Variants in OPRM1 observed in about 807,000 individuals in gnomAD.
The protein encoded by OPRM1 is mu-type opioid receptor.
A neutral mutation model predicts 31.8 loss-of-function variants in OPRM1; 27 were observed. The ratio of observed to expected loss-of-function variants is 0.85; its 90% confidence interval spans 0.63 to 1.17. OPRM1 has a LOEUF of 1.17. OPRM1 is among the 50% of genes most tolerant of loss of function. OPRM1 has a pLI of 0.00. For synonymous variants in OPRM1, 196 were observed against 189.9 expected (o/e 1.03, Z -0.26); for missense variants, 536 against 511.1 (o/e 1.05, Z -0.47).
rs145947970 is a variant in OPRM1, at chr6:154,174,452, C to T, written c.1165-72241C>T. On this transcript the variant is annotated intron_variant, in intron 3 of 3. Coordinates refer to the OPRM1 transcript ENST00000337049. ...TCTCACGTGCAGAGACACACACAGG[C>T]TCAAAATAAAGGGAAGGAGGAAGAT... Among the ~76,000 whole-genome samples, 977 of 151,830 alleles carry T rather than the reference C, an allele frequency of 6.4e-3. 29 individuals carry two copies. The highest frequency in any genetic ancestry group is 0.055 in the East Asian group (283 of 5,162).
At chr6:154,099,786 G>T (rs886488174) in intron 3 of OPRM1, among the ~76,000 whole-genome samples, 34 of 146,946 alleles carry the variant, frequency 2.3e-4, no homozygotes, top group African/African-American at 8.0e-4. Flanking sequence ...AACATGAAGA[G>T]TTTCATAAAA....
chr6:154,218,256 T>C (rs553437547), intron 3 of OPRM1, among the ~76,000 whole-genome samples: 9 of 152,260 alleles, frequency 5.9e-5, no homozygotes, highest in South Asian at 4.2e-4. Context: ...TTTTAAGAAA[T>C]TGATGTACAA....
chr6:154,141,402 G>A (rs949668004), intron 3 of OPRM1, among the ~76,000 whole-genome samples: 1 of 152,176 alleles, frequency 6.6e-6, no homozygotes, highest in Non-Finnish European at 1.5e-5. Context: ...TCCTCTTGGA[G>A]GCCTTGATGG....
Position 154,071,563 on chromosome 6 carries a change from A to G in OPRM1, c.291-18263A>G, listed in dbSNP as rs562092096. 5.3e-5 allele frequency among the ~76,000 whole-genome samples: 8 copies of G among 152,304 alleles called. No homozygotes were observed. In the East Asian group the frequency reaches 1.4e-3, roughly 26 times the overall value. On this transcript the variant is annotated intron_variant, in intron 1 of 3. Coordinates refer to ENST00000330432, the MANE Select transcript of OPRM1 (RefSeq NM_000914.5). ...AATATCCCTGTAGTTTTAAAAAAAA[A>G]ATAGGTGTATTGATCTTGCTACAGC...
intron 1 of OPRM1, among the ~76,000 whole-genome samples, chr6:154,042,039 G>A (rs1240658597): frequency 2.6e-5 from 4 of 152,114 alleles, no homozygotes; most frequent in East Asian, 3.9e-4. Context: ...ACATGGTGAC[G>A]GTGCATCTTA....
At chr6:154,208,161 TG>T (rs1224447942) in intron 3 of OPRM1, among the ~76,000 whole-genome samples, 11 of 152,260 alleles carry the variant, frequency 7.2e-5, no homozygotes, top group African/African-American at 2.6e-4. Context: ...AGTCCTTAAC[TG>T]GCCCATATGC....
At chr6:154,116,280 T>G (rs1583610443) in intron 3 of OPRM1, among the ~76,000 whole-genome samples, 1 of 152,026 alleles carries the variant, frequency 6.6e-6, no homozygotes, top group East Asian at 1.9e-4. Flanking sequence ...TCATGAGATT[T>G]TATTGACTTA....
intron 1 of OPRM1, among the ~76,000 whole-genome samples, chr6:154,033,216 A>G (rs891782271): frequency 2.0e-5 from 3 of 152,224 alleles, no homozygotes; most frequent in Non-Finnish European, 2.9e-5. Context: ...TAAAGACTAA[A>G]ACACCAATAG....
intron 3 of OPRM1, chr6:154,159,887 C>T: frequency 1.2e-6 from 2 of 1,613,512 alleles, no homozygotes; most frequent in Non-Finnish European, 1.7e-6. Flanking sequence ...TGGGGGGTGT[C>T]ATCAGTGTCA....
In OPRM1 at chr6:154,171,544, T is replaced by C. The variant is rs1476474648; in HGVS notation, c.1165-75149T>C. 2.6e-5 allele frequency among the ~76,000 whole-genome samples: 4 copies of C among 152,178 alleles called. No homozygotes were observed. The East Asian group carries it at 7.7e-4, about 29-fold the overall frequency. Reference sequence around the variant, plus strand: ...GATGCTGAAATGTTCCAAAATTAGATTGTGATGACAGCTGCACAATTCCAA... The same window carrying C: ...GATGCTGAAATGTTCCAAAATTAGACTGTGATGACAGCTGCACAATTCCAA... On this transcript the variant is annotated intron_variant, in intron 3 of 3. Transcript: ENST00000337049.
At chr6:154,110,396 G>A in intron 3 of OPRM1, 1 of 1,508,276 alleles carries the variant, frequency 6.6e-7, no homozygotes. Context: ...TCAACTGTGA[G>A]CATACCAAGG....
chr6:154,068,579 A>G lies in OPRM1; in HGVS notation c.291-21247A>G, dbSNP rs143849340. On this transcript the variant is annotated intron_variant, in intron 1 of 3. Transcript: ENST00000330432. ...AAGTCGTATCCCATTGTGTATATAT[A>G]CCACATTTTCTTTATCCATTCATAT... Among the ~76,000 whole-genome samples, 185 of 152,228 alleles carry G rather than the reference A, an allele frequency of 1.2e-3. 1 individual carries two copies. The highest frequency in any genetic ancestry group is 4.2e-3 in the African/African-American group (176 of 41,540).
chr6:154,056,420 C>A (rs1293459237), intron 1 of OPRM1, among the ~76,000 whole-genome samples: 2 of 151,668 alleles, frequency 1.3e-5, no homozygotes, highest in Non-Finnish European at 2.9e-5. Flanking sequence ...ACGCGCCCGG[C>A]CTGATGGAGC....
intron 3 of OPRM1, among the ~76,000 whole-genome samples, chr6:154,198,631 T>TACACACACACAC (rs3070838): frequency 0.024 from 3,582 of 146,758 alleles, 82 homozygotes; most frequent in African/African-American, 0.055. Flanking sequence ...AAATATTACA[T>TACACACACACAC]ACACACACAC....
chr6:154,114,876 TA>T (rs1220080727), intron 3 of OPRM1, among the ~76,000 whole-genome samples: 82 of 138,626 alleles, frequency 5.9e-4, no homozygotes, highest in African/African-American at 1.1e-3. Context: ...GAATTCTAAT[TA>T]AAAAAAAAAA....
At position 154,141,184 on chromosome 6, in the gene OPRM1, G is replaced by A. The variant is rs565093374; in HGVS notation, c.1164+49712G>A. On this transcript the variant is annotated intron_variant, in intron 3 of 3. Coordinates refer to the OPRM1 transcript ENST00000337049. Reference sequence around the variant, plus strand: ...AAGATAAAACCTACCTCACATAAAAGAGATAATGGACACAAAGCACCTTCC... The same window carrying A: ...AAGATAAAACCTACCTCACATAAAAAAGATAATGGACACAAAGCACCTTCC... Among the ~76,000 whole-genome samples the A allele has an allele frequency of 1.8e-3, 276 of 152,288 alleles. 1 individual carries two copies. The highest frequency in any genetic ancestry group is 3.2e-3 in the Non-Finnish European group (217 of 68,016).
chr6:154,240,045 C>T (rs1433346273), intron 3 of OPRM1, among the ~76,000 whole-genome samples: 2 of 152,114 alleles, frequency 1.3e-5, no homozygotes, highest in African/African-American at 4.8e-5. Context: ...TTGGGATACG[C>T]TCAGAGGCTG....
In OPRM1 at chr6:154,041,084, A is replaced by C. The variant is rs182462341; in HGVS notation, c.290+1250A>C. On this transcript the variant is annotated intron_variant, in intron 1 of 3. Transcript: ENST00000330432. ...ATTGCAGGTTTCAGCGGAGCTCTTA[A>C]ATCATTTAAGAATTGCTCTCTCCAG... 6.2e-4 allele frequency among the ~76,000 whole-genome samples: 95 copies of C among 152,262 alleles called. 1 individual carries two copies. The East Asian group carries it at 0.015, about 24-fold the overall frequency.
At chr6:154,089,614 CA>C in intron 1 of OPRM1, 2 of 498,248 alleles carry the variant, frequency 4.0e-6, no homozygotes, top group Non-Finnish European at 7.1e-6. Context: ...AGAAACTCAA[CA>C]AAGCAGCATC....
Sources: allele counts gnomAD v4.1 joint callset (sites outside exome capture counted in the v4.1 genomes callset), GRCh38; gene constraint gnomAD v4.1.1; transcripts MANE v1.5; gene names NCBI Gene and HGNC (gene_info 2026-07-23, HGNC 2026-07-21).